Variants in ANKRD17 observed in about 807,000 individuals in gnomAD.
ANKRD17 encodes ankyrin repeat domain-containing protein 17.
ANKRD17 carries 19 observed loss-of-function variants against 229.7 expected under a neutral mutation model. The ratio of observed to expected loss-of-function variants is 0.08; its 90% CI spans 0.06 to 0.12. The LOEUF is 0.12. ANKRD17 is among the 10% of genes least tolerant of loss of function. The pLI is 1.00. For synonymous variants in ANKRD17, 1,112 were observed against 1,146.1 expected (o/e 0.97, Z 0.60); for missense variants, 2,176 against 3,176.8 (o/e 0.68, Z 7.57).
At chr4:73,077,232 T>C (rs1721090962) in intron 32 of ANKRD17, 123 bp downstream of exon 32, 1 of 1,313,596 alleles carries the variant, frequency 7.6e-7, no homozygotes, top group Admixed American at 3.0e-5. Flanking sequence ...ATCTAAGAAA[T>C]CTAAAAATTA....
At chr4:73,130,889 T>C (rs1228430552) in intron 16 of ANKRD17, among the ~76,000 whole-genome samples, 1 of 152,164 alleles carries the variant, frequency 6.6e-6, no homozygotes, top group Non-Finnish European at 1.5e-5. Context: ...GTCAGAATTA[T>C]TGTTCCACAT....
At chr4:73,104,680 G>C (rs1724398080) in intron 24 of ANKRD17, among the ~76,000 whole-genome samples, 1 of 152,012 alleles carries the variant, frequency 6.6e-6, no homozygotes, top group African/African-American at 2.4e-5. Context: ...ATCCATGATG[G>C]GTTGTTCATT....
At chr4:73,192,377 G>A (rs1257610444) in intron 1 of ANKRD17, among the ~76,000 whole-genome samples, 1 of 151,836 alleles carries the variant, frequency 6.6e-6, no homozygotes, top group Non-Finnish European at 1.5e-5. Flanking sequence ...CAAAAACATG[G>A]TATGTACCTA....
At position 73,091,192 on chromosome 4, in the gene ANKRD17, G is replaced by A. The variant is rs776084602; in HGVS notation, c.6436C>T (p.Pro2146Ser). 1 of 1,614,192 alleles carries A rather than the reference G, an allele frequency of 6.2e-7. No individual in the cohort carries two copies. Among genetic ancestry groups the A allele is most frequent in the Admixed American group, 1.7e-5 (1 of 60,026 alleles). ...TVPPLATSSA[P>S]VAVPSTAPVT... Reference sequence around the variant, plus strand: ...GGGGCAGTAGAAGGCACCGCCACTGGAGCAGAACTTGTTGCTAAAGGAGGA... The same window carrying A: ...GGGGCAGTAGAAGGCACCGCCACTGAAGCAGAACTTGTTGCTAAAGGAGGA... Residue 2146 changes from proline to serine, a missense_variant, in exon 29 of 34, where the codon CCA (proline) becomes TCA (serine). Transcript: ENST00000358602.
rs1185709388 is a variant in ANKRD17, at chr4:73,131,159, G to GA, written c.3234+3957dup. ...ATGTGGTATTCATCTTAAAAGTTTT[G>GA]AAAATACCTAGACAAATTTGATTCA... On this transcript the variant is annotated intron_variant, in intron 16 of 33. Transcript: ENST00000358602. Among the ~76,000 whole-genome samples, 7 of 152,248 alleles carry GA rather than the reference G, an allele frequency of 4.6e-5. No individual in the cohort carries two copies. In the East Asian group the frequency reaches 1.4e-3, roughly 29 times the overall value.
intron 1 of ANKRD17, among the ~76,000 whole-genome samples, chr4:73,207,263 ATATTT>A (rs1242328818): frequency 3.9e-5 from 6 of 152,190 alleles, no homozygotes; most frequent in Admixed American, 2.6e-4. Flanking sequence ...AATATATATA[ATATTT>A]GTCAATTTAA....
chr4:73,135,186 T>G lies in ANKRD17; in HGVS notation c.3165A>C (p.Pro1055=). Residue 1055 remains proline (P), a synonymous_variant, in exon 16 of 34, where the codon CCA becomes CCC. Transcript: ENST00000358602. ...AAGGAGAGATGATAGGACTTGGAGT[T>G]GGAGTCTGAGGTTGGGAAATGGATG... is the stretch of plus-strand genomic sequence containing the variant. ...IAASISQPQT[P]TPSPIISPSA... is the part of the protein sequence containing the mutation. 2 of 1,613,860 alleles carry G rather than the reference T, an allele frequency of 1.2e-6. No individual in the cohort carries two copies. The highest frequency in any genetic ancestry group is 1.7e-6 in the Non-Finnish European group (2 of 1,179,806).
chr4:73,179,501 TATATATATA>T (rs1735210169), intron 1 of ANKRD17, among the ~76,000 whole-genome samples: 1 of 78,272 alleles, frequency 1.3e-5, no homozygotes, highest in African/African-American at 4.7e-5. Flanking sequence ...TATATATATA[TATATATATA>T]TATATATATT....
chr4:73,076,901 C>T (rs758255974), intron 33 of ANKRD17, 39 bp downstream of exon 33: 32 of 1,563,574 alleles, frequency 2.0e-5, no homozygotes, highest in Non-Finnish European at 2.5e-5. Context: ...ATTTCTTAAA[C>T]ACAAAACAAC....
rs1200263071 is a variant in ANKRD17 at position 73,144,846 on chromosome 4, A to C, written c.1870-14T>G. On this transcript the variant is annotated splice_polypyrimidine_tract_variant and intron_variant, in intron 10 of 33. Coordinates refer to ENST00000358602, the MANE Select transcript of ANKRD17 (RefSeq NM_032217.5). Reference sequence around the variant, plus strand: ...AGATTCATGTTCCTGTTTAAAAAAAAAAAAAAAGACTTGACATTTAATTGC... The same window carrying C: ...AGATTCATGTTCCTGTTTAAAAAAACAAAAAAAGACTTGACATTTAATTGC... 6.4e-7 allele frequency: 1 copy of C among 1,566,242 alleles called. No individual in the cohort carries two copies. Among genetic ancestry groups the C allele is most frequent in the Admixed American group, 2.1e-5 (1 of 48,114 alleles).
chr4:73,204,395 G>C (rs368580320), intron 1 of ANKRD17, among the ~76,000 whole-genome samples: 3 of 133,034 alleles, frequency 2.3e-5, no homozygotes, highest in Non-Finnish European at 3.3e-5. Flanking sequence ...GAAAAGAAAA[G>C]AAAAACAATC....
At chr4:73,117,488 C>T (rs1726115267) in intron 22 of ANKRD17, among the ~76,000 whole-genome samples, 1 of 152,110 alleles carries the variant, frequency 6.6e-6, no homozygotes, top group South Asian at 2.1e-4. Flanking sequence ...GATATGCTAG[C>T]TTGCTTGGAG....
Position 73,126,468 on chromosome 4 carries a change from T to A in ANKRD17, c.3235-1156A>T, listed in dbSNP as rs573334945. On this transcript the variant is annotated intron_variant, in intron 16 of 33. Transcript: ENST00000358602. ...AAACTGAGAAGTAGGCCTTGAAATT[T>A]AAAAAAAAAAAATTGTTTCCAAGTA... 3.8e-4 allele frequency among the ~76,000 whole-genome samples: 56 copies of A among 146,262 alleles called. No homozygotes were observed. In the East Asian group the frequency reaches 7.1e-3, roughly 18 times the overall value.
intron 16 of ANKRD17, among the ~76,000 whole-genome samples, chr4:73,128,247 C>T (rs1235941745): frequency 1.3e-5 from 2 of 152,340 alleles, no homozygotes; most frequent in African/African-American, 4.8e-5. Flanking sequence ...CCAAGAAGAT[C>T]TTGATAACAA....
At chr4:73,255,191 C>T (rs564124670) in intron 1 of ANKRD17, among the ~76,000 whole-genome samples, 5 of 152,204 alleles carry the variant, frequency 3.3e-5, no homozygotes, top group East Asian at 1.9e-4. Context: ...CAATAACCTA[C>T]TCCAATGTCT....
chr4:73,133,234 C>T (rs533244175), intron 16 of ANKRD17, among the ~76,000 whole-genome samples: 1 of 150,798 alleles, frequency 6.6e-6, no homozygotes, highest in East Asian at 2.0e-4. Flanking sequence ...GGTGACAGAG[C>T]GAGACTCCGT....
chr4:73,208,612 A>G lies in ANKRD17; in HGVS notation c.394-31079T>C, dbSNP rs1050430108. ...AGCACAGGAGAGAATAGAGTGACTA[A>G]CAGCCTTAGGCATTAGAGATCAATC... On this transcript the variant is annotated intron_variant, in intron 1 of 33. Coordinates refer to ENST00000358602, the MANE Select transcript of ANKRD17 (RefSeq NM_032217.5). Among the ~76,000 whole-genome samples the G allele has an allele frequency of 2.8e-4, 43 of 152,226 alleles. 1 individual carries two copies. Among genetic ancestry groups the G allele is most frequent in the Non-Finnish European group, 4.4e-5 (3 of 68,034 alleles).
Position 73,158,094 on chromosome 4 carries a change from G to A in ANKRD17, c.705-1928C>T, listed in dbSNP as rs111724619. Among the ~76,000 whole-genome samples, 366 of 135,326 alleles carry A rather than the reference G, an allele frequency of 2.7e-3. 2 individuals are homozygous for A. Among genetic ancestry groups the A allele is most frequent in the South Asian group, 0.018 (74 of 4,142 alleles). 88.8% of individuals were successfully genotyped at this position (135,326 alleles called of 152,430 possible). ...TGACAGAGTGAGACTCCATCTTGAA[G>A]GAAAGAAAGGAAGGAAAGAAGGAGA... is the stretch of plus-strand genomic sequence containing the variant. On this transcript the variant is annotated intron_variant, in intron 3 of 33. Transcript: ENST00000358602.
At chr4:73,184,335 C>T (rs867032435) in intron 1 of ANKRD17, among the ~76,000 whole-genome samples, 2 of 151,882 alleles carry the variant, frequency 1.3e-5, no homozygotes, top group African/African-American at 4.8e-5. Flanking sequence ...TCGAGACCAG[C>T]CTGGCCAACA....
Sources: gnomAD v4.1 joint callset for allele counts (sites outside exome capture counted in the v4.1 genomes callset) on GRCh38, gnomAD v4.1.1 for gene constraint, MANE v1.5 for transcripts, NCBI Gene and HGNC (gene_info 2026-07-23, HGNC 2026-07-21) for gene names.